Variants in COL5A2 observed in about 807,000 individuals in gnomAD.
COL5A2 encodes collagen type V alpha 2 chain, also known as collagen alpha-2(V) chain.
A neutral mutation model predicts 208.2 loss-of-function variants in COL5A2; 23 were observed. That is an observed-to-expected ratio of 0.11 (90% CI 0.08 to 0.16). The LOEUF (loss-of-function observed/expected upper bound fraction) is 0.16, where lower values mean the gene tolerates loss of function less well. Among genes scored for constraint, COL5A2 ranks in the 10% least tolerant of loss-of-function variants. The probability of loss-of-function intolerance (pLI) is 1.00; values close to 1 mark genes in which losing one functional copy is unlikely to be tolerated. For synonymous variants in COL5A2, 625 were observed against 628.5 expected (o/e 0.99, Z 0.08); for missense variants, 1,590 against 1,956.4 (o/e 0.81, Z 3.53).
intron 6 of COL5A2, among the ~76,000 whole-genome samples, chr2:189,092,768 T>C (rs1686815610): frequency 6.6e-6 from 1 of 152,206 alleles, no homozygotes; most frequent in Non-Finnish European, 1.5e-5. Flanking sequence ...TGATCAACAA[T>C]TATAAATTCA....
intron 1 of COL5A2, among the ~76,000 whole-genome samples, chr2:189,214,534 G>C (rs1481841110): frequency 6.6e-6 from 1 of 151,988 alleles, no homozygotes; most frequent in African/African-American, 2.4e-5. Flanking sequence ...TTGTTTCTGG[G>C]AAGTGAAATT....
intron 31 of COL5A2, among the ~76,000 whole-genome samples, chr2:189,059,111 C>T (rs1021557108): frequency 2.0e-5 from 3 of 151,878 alleles, no homozygotes; most frequent in African/African-American, 7.3e-5. Flanking sequence ...TGTATTATAC[C>T]TGAATGTTTG....
chr2:189,207,482 C>A (rs895418882), intron 1 of COL5A2, among the ~76,000 whole-genome samples: 1 of 152,126 alleles, frequency 6.6e-6, no homozygotes, highest in Admixed American at 6.6e-5. Flanking sequence ...TCATACAATT[C>A]TGTTATCAAG....
chr2:189,211,056 C>A lies in COL5A2; in HGVS notation c.-42+14092G>T, dbSNP rs113354641. On this transcript the variant is annotated intron_variant, in intron 1 of 10. Coordinates refer to the COL5A2 transcript ENST00000649966. Reference sequence around the variant, plus strand: ...TGGAAAAGAAATCTATTACTGCAGACTTCAGGCAGTTATTTTTCTAAGTAT... The same window carrying A: ...TGGAAAAGAAATCTATTACTGCAGAATTCAGGCAGTTATTTTTCTAAGTAT... Among the ~76,000 whole-genome samples, 28 of 152,256 alleles carry A rather than the reference C, an allele frequency of 1.8e-4. 1 individual carries two copies. Among genetic ancestry groups the A allele is most frequent in the African/African-American group, 6.7e-4 (28 of 41,536 alleles).
At chr2:189,039,075 A>T (rs1685502845) in intron 51 of COL5A2, among the ~76,000 whole-genome samples, 197 bp downstream of exon 51, 1 of 152,114 alleles carries the variant, frequency 6.6e-6, no homozygotes, top group Non-Finnish European at 1.5e-5. Context: ...TCTAATAATT[A>T]GTGATGCTGA....
At chr2:189,430,069 A>T in the COL5A2 span, among the ~76,000 whole-genome samples, 1 of 152,222 alleles carries the variant, frequency 6.6e-6, no homozygotes, top group Non-Finnish European at 1.5e-5. Flanking sequence ...GCTCTCAAAG[A>T]AGTAAAACAC....
At chr2:189,206,511 T>C (rs538608013) in intron 1 of COL5A2, among the ~76,000 whole-genome samples, 3 of 152,320 alleles carry the variant, frequency 2.0e-5, no homozygotes, top group African/African-American at 7.2e-5. Flanking sequence ...ATAAGAAGTT[T>C]CTTCTCCAAA....
At chr2:189,200,227 C>T (rs765536407) in intron 1 of COL5A2, among the ~76,000 whole-genome samples, 9 of 152,082 alleles carry the variant, frequency 5.9e-5, no homozygotes, top group Non-Finnish European at 1.2e-4. Context: ...AACTAAACAA[C>T]TAATCCAAAT....
At chr2:189,080,713 A>T (rs2105636889) in intron 13 of COL5A2, among the ~76,000 whole-genome samples, 1 of 152,260 alleles carries the variant, frequency 6.6e-6, no homozygotes, top group Non-Finnish European at 1.5e-5. Context: ...CTGAAGCTTC[A>T]GGCTAGAGAT....
the COL5A2 span, among the ~76,000 whole-genome samples, chr2:189,376,872 TCCAATC>T: frequency 6.6e-6 from 1 of 152,134 alleles, no homozygotes; most frequent in Non-Finnish European, 1.5e-5. Context: ...TATGTAAAGT[TCCAATC>T]CCAGGAACTA....
chr2:189,185,717 A>G (rs903691796), intron 1 of COL5A2, among the ~76,000 whole-genome samples: 2 of 152,082 alleles, frequency 1.3e-5, no homozygotes, highest in African/African-American at 4.8e-5. Context: ...TCATATTGAA[A>G]CCTTCCTGAG....
At chr2:189,109,347 C>G (rs1162068905) in intron 2 of COL5A2, among the ~76,000 whole-genome samples, 1 of 151,862 alleles carries the variant, frequency 6.6e-6, no homozygotes, top group East Asian at 1.9e-4. Context: ...TAGGTATTTA[C>G]CCAAGGCACA....
intron 7 of COL5A2, among the ~76,000 whole-genome samples, chr2:189,089,802 G>A (rs1387134788): frequency 6.6e-6 from 1 of 152,062 alleles, no homozygotes; most frequent in African/African-American, 2.4e-5. Flanking sequence ...GTTGTTTTAG[G>A]TGCCTTGAAT....
chr2:189,369,247 C>T, the COL5A2 span, among the ~76,000 whole-genome samples: 2 of 151,978 alleles, frequency 1.3e-5, no homozygotes, highest in Admixed American at 1.3e-4. Context: ...CTAGTCTTAC[C>T]TAATTTTGAA....
chr2:189,156,538 C>A (rs1688250913), intron 1 of COL5A2, among the ~76,000 whole-genome samples: 1 of 152,120 alleles, frequency 6.6e-6, no homozygotes, highest in Middle Eastern at 3.4e-3. Flanking sequence ...ATAGTCTTGT[C>A]CTCATAAATT....
intron 1 of COL5A2, among the ~76,000 whole-genome samples, chr2:189,224,225 C>T (rs1207444910): frequency 6.6e-6 from 1 of 151,312 alleles, no homozygotes; most frequent in Non-Finnish European, 1.5e-5. Flanking sequence ...TTAAACACAA[C>T]CAAAAAAATA....
At chr2:189,329,659 A>G in the COL5A2 span, among the ~76,000 whole-genome samples, 1 of 152,188 alleles carries the variant, frequency 6.6e-6, no homozygotes, top group African/African-American at 2.4e-5. Context: ...CTCAAACATT[A>G]AAAAATAAGA....
At chr2:189,324,117 A>G in the COL5A2 span, among the ~76,000 whole-genome samples, 3 of 152,246 alleles carry the variant, frequency 2.0e-5, no homozygotes, top group African/African-American at 4.8e-5. Context: ...CTGGCTAGCC[A>G]TAAGTAGAAA....
the COL5A2 span, among the ~76,000 whole-genome samples, chr2:189,270,857 C>T: frequency 1.3e-5 from 2 of 152,008 alleles, no homozygotes; most frequent in Non-Finnish European, 2.9e-5. Flanking sequence ...TCCTATACAC[C>T]AATAATCGAC....
Sources: gnomAD v4.1 joint callset for allele counts (sites outside exome capture counted in the v4.1 genomes callset) on GRCh38, gnomAD v4.1.1 for gene constraint, MANE v1.5 for transcripts, NCBI Gene and HGNC (gene_info 2026-07-23, HGNC 2026-07-21) for gene names.